Variants in CYTH1 observed in about 807,000 individuals in gnomAD.
The protein encoded by CYTH1 is cytohesin-1.
Under a neutral mutation model 61.8 loss-of-function variants are expected in CYTH1, and 18 were observed. That is an observed-to-expected ratio of 0.29 (90% CI 0.20 to 0.43). The LOEUF is 0.43. Among genes scored for constraint, CYTH1 ranks in the 20% least tolerant of loss-of-function variants. CYTH1 has a pLI of 1.00. For synonymous variants in CYTH1, 174 were observed against 184.3 expected, an observed-to-expected ratio of 0.94 and a Z score of 0.45; for missense variants, 336 against 510.5, an observed-to-expected ratio of 0.66 and a Z score of 3.29.
At chr17:78,747,568 G>A (rs541854471) in intron 1 of CYTH1, among the ~76,000 whole-genome samples, 1 of 152,108 alleles carries the variant, frequency 6.6e-6, no homozygotes, top group Non-Finnish European at 1.5e-5. Flanking sequence ...ATACCCCATA[G>A]GAGTCACCCC....
chr17:78,750,850 G>C (rs971556342), intron 1 of CYTH1, among the ~76,000 whole-genome samples: 22 of 151,544 alleles, frequency 1.5e-4, no homozygotes, highest in African/African-American at 5.1e-4. Context: ...AATTGGAAAA[G>C]ACTAAACCGT....
intron 2 of CYTH1, chr17:78,708,969 C>CT (rs1392661340): frequency 6.6e-6 from 1 of 152,294 alleles, no homozygotes; most frequent in African/African-American, 2.4e-5. Flanking sequence ...TCCTTAACCC[C>CT]ACTCCTAATG....
At position 78,700,483 on chromosome 17, in the gene CYTH1, G is replaced by T; in HGVS notation, c.438-40C>A. 3.3e-6 allele frequency: 5 copies of T among 1,498,336 alleles called. No individual in the cohort carries two copies. Among genetic ancestry groups the T allele is most frequent in the Non-Finnish European group, 4.5e-6 (5 of 1,104,620 alleles). The allele number at this position is 1,498,336 out of a possible 1,614,324, so 92.8% of individuals were successfully genotyped here. A position where few individuals can be genotyped will look rare whatever the true frequency, so the allele number is the denominator to read the frequency against. On this transcript the variant is annotated intron_variant, in intron 6 of 13. Coordinates refer to ENST00000446868, the MANE Select transcript of CYTH1 (RefSeq NM_004762.6). This position sits in a 1 kb window ranked among gnomAD's most constrained non-coding sequence, Gnocchi z 5.1. ...ACAGAGTGTTCCAGAACTTGGGGAGGCAATTTATTTCTCTATGAATTGTTA... is the reference window on the plus strand; with the variant it reads ...ACAGAGTGTTCCAGAACTTGGGGAGTCAATTTATTTCTCTATGAATTGTTA...
chr17:78,674,282 T>C lies in CYTH1; in HGVS notation c.*1809A>G, dbSNP rs2092672776. The C allele has an allele frequency of 6.6e-6, 1 of 152,634 alleles. No individual in the cohort carries two copies. The highest frequency in any genetic ancestry group is 1.5e-5 in the Non-Finnish European group (1 of 68,044). 9.5% of individuals were successfully genotyped at this position (152,634 alleles called of 1,614,324 possible). A position where few individuals can be genotyped will look rare whatever the true frequency, so the allele number is the denominator to read the frequency against. The stretch of plus-strand genomic sequence containing the variant: ...TTTACACCTCTGATAAATAGACTAA[T>C]ACTGACCCAGGTGCCTCTCTGTCTA... On this transcript the variant is annotated 3_prime_UTR_variant, in exon 14 of 14. Coordinates refer to ENST00000446868, the MANE Select transcript of CYTH1 (RefSeq NM_004762.6).
intron 3 of CYTH1, among the ~76,000 whole-genome samples, chr17:78,704,864 T>C (rs2093049325): frequency 6.6e-6 from 1 of 152,308 alleles, no homozygotes; most frequent in Non-Finnish European, 1.5e-5. Context: ...CTGTGAGTAG[T>C]ATCAGAACTT....
chr17:78,724,358 T>C (rs1454723912), intron 1 of CYTH1, among the ~76,000 whole-genome samples: 4 of 152,192 alleles, frequency 2.6e-5, no homozygotes, highest in Non-Finnish European at 5.9e-5. Flanking sequence ...AGGGAGGAGA[T>C]ATTTTTTAAA....
chr17:78,761,767 A>T (rs1291499064), intron 1 of CYTH1, among the ~76,000 whole-genome samples: 1 of 152,224 alleles, frequency 6.6e-6, no homozygotes, highest in Non-Finnish European at 1.5e-5. Context: ...TGTTATTTTT[A>T]AAAACTTTTT....
At position 78,680,063 on chromosome 17, in the gene CYTH1, G is replaced by A. The variant is rs1211512006; in HGVS notation, c.1118+127C>T. 5.8e-5 allele frequency: 76 copies of A among 1,315,206 alleles called. No individual in the cohort carries two copies. In the South Asian group the frequency reaches 7.5e-4, roughly 13 times the overall value. 81.5% of individuals were successfully genotyped at this position (1,315,206 alleles called of 1,614,324 possible). On this transcript the variant is annotated intron_variant, in intron 13 of 13. Transcript: ENST00000446868. ...GAAGCCGTCAGCTGGGAACCAGGAC[G>A]AAGCTTCCCTAAGAACTTGGAGCAC...
chr17:78,719,659 A>T (rs1185804274), intron 1 of CYTH1, among the ~76,000 whole-genome samples: 1 of 152,216 alleles, frequency 6.6e-6, no homozygotes, highest in Non-Finnish European at 1.5e-5. Context: ...CGGAAGAGAG[A>T]TGTAAAGCAA....
At chr17:78,732,891 A>G (rs760806511) in intron 1 of CYTH1, among the ~76,000 whole-genome samples, 2 of 152,114 alleles carry the variant, frequency 1.3e-5, no homozygotes, top group Non-Finnish European at 2.9e-5. Flanking sequence ...GATAGAGGCC[A>G]TCCTGGCCAA....
intron 1 of CYTH1, among the ~76,000 whole-genome samples, chr17:78,759,371 A>G (rs554206335): frequency 2.3e-4 from 35 of 152,304 alleles, no homozygotes; most frequent in Admixed American, 1.9e-3. Context: ...CGGGGTAGGC[A>G]AAGGGGTCTT....
chr17:78,760,523 A>G (rs1218826387), intron 1 of CYTH1, among the ~76,000 whole-genome samples: 5 of 52,678 alleles, frequency 9.5e-5, no homozygotes, highest in African/African-American at 2.1e-4. Flanking sequence ...ATATGTATAT[A>G]TATATATACA....
intron 11 of CYTH1, among the ~76,000 whole-genome samples, chr17:78,683,764 G>A (rs1412387703): frequency 6.6e-6 from 1 of 151,328 alleles, no homozygotes; most frequent in African/African-American, 2.5e-5. Context: ...CATGAGGTGA[G>A]GGCAACAGCT....
intron 13 of CYTH1, chr17:78,676,938 T>G: frequency 6.6e-6 from 3 of 451,706 alleles, no homozygotes; most frequent in Non-Finnish European, 1.3e-5. Flanking sequence ...GTATCCTAAG[T>G]GATGATTTGT....
chr17:78,778,995 T>C (rs1334854541), intron 1 of CYTH1, among the ~76,000 whole-genome samples: 4 of 152,222 alleles, frequency 2.6e-5, no homozygotes, highest in Non-Finnish European at 4.4e-5. Context: ...AGTCTTATTC[T>C]TCATATGATC....
rs9905127 is a variant in CYTH1 at position 78,758,568 on chromosome 17, G to A, written c.22+23634C>T. Among the ~76,000 whole-genome samples, 725 of 152,246 alleles carry A rather than the reference G, an allele frequency of 4.8e-3. 8 individuals carry two copies. The highest frequency in any genetic ancestry group is 0.017 in the African/African-American group (690 of 41,542). On this transcript the variant is annotated intron_variant, in intron 1 of 13. Transcript: ENST00000446868. ...AAAAATAAAAAATTAGCCGGGCATG[G>A]TGGTGCATGCCTGTAATCCCAGCTA...
chr17:78,757,748 T>C (rs1049079945), intron 1 of CYTH1, among the ~76,000 whole-genome samples: 2 of 151,796 alleles, frequency 1.3e-5, no homozygotes, highest in Non-Finnish European at 2.9e-5. Context: ...CCGGCCAACA[T>C]GGTGAAACCC....
chr17:78,733,109 A>T (rs2144604670), intron 1 of CYTH1, among the ~76,000 whole-genome samples: 3 of 146,948 alleles, frequency 2.0e-5, no homozygotes, highest in South Asian at 4.4e-4. Flanking sequence ...AAAAAAAAGG[A>T]TAACATGGAA....
chr17:78,706,844 C>T (rs2093071932), intron 3 of CYTH1, among the ~76,000 whole-genome samples: 1 of 152,214 alleles, frequency 6.6e-6, no homozygotes, highest in South Asian at 2.1e-4. Flanking sequence ...GTGTCTACTA[C>T]ACATATGGCT....
Sources: allele counts gnomAD v4.1 joint callset (sites outside exome capture counted in the v4.1 genomes callset), GRCh38; gene constraint gnomAD v4.1.1; non-coding constraint Gnocchi (gnomAD v3.1); transcripts MANE v1.5; gene names NCBI Gene and HGNC (gene_info 2026-07-23, HGNC 2026-07-21).